PARP4: variants seen among roughly 807,000 people sequenced by gnomAD.
The protein encoded by PARP4 is poly(ADP-ribose) polymerase family member 4.
In PARP4, 120 loss-of-function variants were observed where a neutral mutation model predicts 187.7. The ratio of observed to expected loss-of-function variants is 0.64; its 90% CI spans 0.55 to 0.74. PARP4 has a LOEUF of 0.74. Ranked by LOEUF, PARP4 falls within the 30% of genes least tolerant of loss-of-function variation. The pLI is 0.00. For missense variants in PARP4, 1,836 were observed against 2,070.5 expected, an observed-to-expected ratio of 0.89 and a Z score of 2.20; for synonymous variants, 654 against 740.9, an observed-to-expected ratio of 0.88 and a Z score of 1.90.
intron 17 of PARP4, 58 bp from the exon 18 acceptor site, chr13:24,460,194 G>C: frequency 7.0e-7 from 1 of 1,421,846 alleles, no homozygotes; most frequent in Non-Finnish European, 9.7e-7. Context: ...TTATATGCCA[G>C]CTAACTCCAC....
At chr13:24,458,149 G>A (rs961320181) in intron 20 of PARP4, among the ~76,000 whole-genome samples, 3 of 146,638 alleles carry the variant, frequency 2.0e-5, no homozygotes, top group African/African-American at 5.1e-5. Context: ...TCGCTCTGAC[G>A]CCCAGGCTGG....
chr13:24,425,747 G>A (rs1227930600), intron 33 of PARP4, among the ~76,000 whole-genome samples: 7 of 152,020 alleles, frequency 4.6e-5, no homozygotes, highest in Non-Finnish European at 1.0e-4. Flanking sequence ...TGACCACATG[G>A]CCCTGAGTCC....
rs1348840534 is a variant in PARP4, at chr13:24,475,475, G to A, written c.1911C>T (p.Ala637=). 1 of 1,613,700 alleles carries A rather than the reference G, an allele frequency of 6.2e-7. No homozygotes were observed. ...HIKGRIIDTV[A]QVIVFQTYTN... ...CATAAAGCCACAGACAACATACCTGGGCTACAGTGTCTATGATTCTCCCTT... is the reference window on the plus strand; with the variant it reads ...CATAAAGCCACAGACAACATACCTGAGCTACAGTGTCTATGATTCTCCCTT... The change falls in exon 15 of 34, where the codon GCC becomes GCT. Residue 637 remains alanine (A), a synonymous_variant. Transcript: ENST00000381989.
intron 33 of PARP4, among the ~76,000 whole-genome samples, chr13:24,425,545 G>A (rs9578730): frequency 0.11 from 1,731 of 15,970 alleles, 49 homozygotes; most frequent in East Asian, 0.41. Context: ...ATGTGTGCAT[G>A]TGTGTGTGTG....
chr13:24,462,192 C>A (rs369572852), intron 17 of PARP4, among the ~76,000 whole-genome samples: 1 of 152,140 alleles, frequency 6.6e-6, no homozygotes, highest in East Asian at 1.9e-4. Context: ...CCTAGCACTG[C>A]GGGAGGGGAA....
In PARP4 at chr13:24,503,644, C is replaced by T. The variant is rs1003491928; in HGVS notation, c.132+1G>A. The T allele has an allele frequency of 6.2e-7, 1 of 1,612,294 alleles. No homozygotes were observed. The highest frequency in any genetic ancestry group is 8.5e-7 in the Non-Finnish European group (1 of 1,179,838). On this transcript the variant is annotated splice_donor_variant, in intron 2 of 33. Transcript: ENST00000381989. LOFTEE classifies it high-confidence loss of function. ...CTGTAGTTTATGACACTTGGAAATA[C>T]CTGAGGATTTAACGAAAAGGAAAAC...
intron 33 of PARP4, among the ~76,000 whole-genome samples, chr13:24,422,887 G>A (rs1462646048): frequency 1.3e-5 from 2 of 152,182 alleles, no homozygotes; most frequent in Non-Finnish European, 2.9e-5. Context: ...AATTACAGCT[G>A]TGAGTCACCG....
chr13:24,438,225 T>C (rs1457786309), intron 30 of PARP4, among the ~76,000 whole-genome samples: 1 of 152,202 alleles, frequency 6.6e-6, no homozygotes, highest in Admixed American at 6.5e-5. Context: ...AATTTTTCCA[T>C]GGACAGGGGT....
intron 12 of PARP4, among the ~76,000 whole-genome samples, chr13:24,483,749 C>A (rs1307753006): frequency 6.6e-6 from 1 of 152,068 alleles, no homozygotes; most frequent in African/African-American, 2.4e-5. Context: ...GCCTCACCCT[C>A]TTGAGTAGCT....
chr13:24,441,732 G>A (rs2137452329), intron 30 of PARP4, 114 bp downstream of exon 30: 1 of 882,842 alleles, frequency 1.1e-6, no homozygotes, highest in Non-Finnish European at 1.7e-6. Context: ...CCATCATCAG[G>A]GATACAACTT....
At chr13:24,458,657 G>A (rs895223446) in intron 20 of PARP4, among the ~76,000 whole-genome samples, 2 of 152,164 alleles carry the variant, frequency 1.3e-5, no homozygotes, top group African/African-American at 4.8e-5. Flanking sequence ...TCATTTACAT[G>A]ATAATCACTG....
rs754874766 is a variant in PARP4 at position 24,498,177 on chromosome 13, C to T, written c.530G>A (p.Arg177Gln). Reference sequence around the variant, plus strand: ...CAGGAAAGGACAGTCCCTGGAGTCCCGCGAACACTGAAGCTCCACCACCAC... The same window carrying T: ...CAGGAAAGGACAGTCCCTGGAGTCCTGCGAACACTGAAGCTCCACCACCAC... ...EAVVVELQCS[R>Q]DSRDCPFLIS... Residue 177 changes from arginine (R) to glutamine (Q), a missense_variant, in exon 6 of 34, where the codon CGG becomes CAG. Coordinates refer to ENST00000381989, the MANE Select transcript of PARP4 (RefSeq NM_006437.4). 56 of 1,613,718 alleles carry T rather than the reference C, an allele frequency of 3.5e-5. No homozygotes were observed. Among genetic ancestry groups the T allele is most frequent in the Middle Eastern group, 1.7e-4 (1 of 5,916 alleles).
intron 4 of PARP4, 27 bp downstream of exon 4, chr13:24,500,289 C>G: frequency 1.4e-6 from 2 of 1,417,838 alleles, no homozygotes; most frequent in South Asian, 2.4e-5. Context: ...TCTGTAGAGT[C>G]CCAGGAATCA....
intron 32 of PARP4, among the ~76,000 whole-genome samples, chr13:24,431,175 G>C (rs1870314221): frequency 6.6e-6 from 1 of 152,148 alleles, no homozygotes. Context: ...AATTTGCTCA[G>C]ATAATACCCT....
rs774447084 is a variant in PARP4 at position 24,434,978 on chromosome 13, G to A, written c.4163C>T (p.Pro1388Leu). 2.7e-5 allele frequency: 44 copies of A among 1,613,758 alleles called. No homozygotes were observed. The Middle Eastern group carries it at 6.7e-4, about 25-fold the overall frequency. The stretch of plus-strand genomic sequence containing the variant: ...ATAGGGTGAAGAAGGTGGGTTCTGG[G>A]GAGGTCCTGTGGGACAAGACGCCGA... ...PQSASCPTGP[P>L]QNPPSSPYCG... Residue 1388 changes from proline (P) to leucine (L), a missense_variant, in exon 31 of 34, where the codon CCC (proline) becomes CTC (leucine). Pro to Leu is a moderately conservative substitution (Grantham distance 98). This residue lies in a region of PARP4 where 450 missense variants were observed against 439.2 expected (regional missense o/e 1.02). Coordinates refer to ENST00000381989, the MANE Select transcript of PARP4 (RefSeq NM_006437.4).
At chr13:24,453,531 C>T (rs1871646621) in intron 23 of PARP4, 56 bp downstream of exon 23, 1 of 1,067,808 alleles carries the variant, frequency 9.4e-7, no homozygotes, top group African/African-American at 1.6e-5. Context: ...CCTGGAGGTC[C>T]CCTTAAAGCA....
At chr13:24,500,533 G>A (rs927541541) in intron 3 of PARP4, 151 bp from the exon 4 acceptor site, 48 of 472,446 alleles carry the variant, frequency 1.0e-4, no homozygotes, top group Middle Eastern at 4.4e-4. Flanking sequence ...GGGAAAAGAG[G>A]AAGGTATAAC....
intron 6 of PARP4, among the ~76,000 whole-genome samples, chr13:24,496,706 G>A (rs1273178282): frequency 2.0e-5 from 3 of 152,194 alleles, no homozygotes; most frequent in Non-Finnish European, 4.4e-5. Context: ...CACTCTCACG[G>A]AGAAGTGACT....
chr13:24,472,858 G>C (rs1872784136), intron 15 of PARP4, among the ~76,000 whole-genome samples: 1 of 149,376 alleles, frequency 6.7e-6, no homozygotes, highest in African/African-American at 2.5e-5. Context: ...ATTTAATAAG[G>C]TGGGATTTTC....
Sources: allele counts gnomAD v4.1 joint callset (sites outside exome capture counted in the v4.1 genomes callset), GRCh38; gene constraint gnomAD v4.1.1; regional missense constraint gnomAD v4.1.1; transcripts MANE v1.5; gene names NCBI Gene and HGNC (gene_info 2026-07-23, HGNC 2026-07-21).